KCNQ1: variants seen among roughly 807,000 people sequenced by gnomAD.
The protein encoded by KCNQ1 is potassium voltage-gated channel subfamily KQT member 1.
Under a neutral mutation model 72.4 loss-of-function variants are expected in KCNQ1, and 49 were observed. The ratio of observed to expected loss-of-function variants is 0.68; its 90% CI spans 0.54 to 0.86. The LOEUF is 0.86. KCNQ1 is among the 40% of genes least tolerant of loss of function. The pLI, the probability that KCNQ1 is intolerant of heterozygous loss-of-function variation, is 0.00. For synonymous variants in KCNQ1, 450 were observed against 412.6 expected (o/e 1.09, Z -1.10); for missense variants, 790 against 945.1 (o/e 0.84, Z 2.15).
intron 15 of KCNQ1, among the ~76,000 whole-genome samples, chr11:2,835,598 C>A (rs1848046380): frequency 6.6e-6 from 1 of 152,214 alleles, no homozygotes. Flanking sequence ...CTCCAAGGAG[C>A]TGACCCCCTG....
chr11:2,842,141 G>A (rs535563400), intron 15 of KCNQ1, among the ~76,000 whole-genome samples: 7 of 152,286 alleles, frequency 4.6e-5, no homozygotes, highest in South Asian at 4.1e-4. Flanking sequence ...GCCTCTGAGC[G>A]GACACACTCA....
At chr11:2,681,648 C>T (rs2133881417) in intron 11 of KCNQ1, 3 of 394,352 alleles carry the variant, frequency 7.6e-6, no homozygotes, top group Non-Finnish European at 1.3e-5. Context: ...ATCTCTCCCT[C>T]TCTCAGGAGA....
At chr11:2,774,511 G>A (rs1846657366) in intron 12 of KCNQ1, among the ~76,000 whole-genome samples, 2 of 152,228 alleles carry the variant, frequency 1.3e-5, no homozygotes, top group South Asian at 4.1e-4. Flanking sequence ...GTGTCAGGTG[G>A]AAGAGGAACC....
chr11:2,630,143 G>A (rs1849329550), intron 10 of KCNQ1: 1 of 398,166 alleles, frequency 2.5e-6, no homozygotes, highest in African/African-American at 2.1e-5. Context: ...GTTGAATTAT[G>A]TGAACTGCAT....
At chr11:2,575,610 A>G (rs1299992151) in intron 6 of KCNQ1, among the ~76,000 whole-genome samples, 1 of 151,780 alleles carries the variant, frequency 6.6e-6, no homozygotes, top group African/African-American at 2.4e-5. Context: ...TGCTTCCTTC[A>G]CCCCACCGGG....
intron 11 of KCNQ1, among the ~76,000 whole-genome samples, chr11:2,749,562 C>A (rs1023973225): frequency 6.6e-6 from 1 of 150,548 alleles, no homozygotes; most frequent in African/African-American, 2.4e-5. Context: ...GTAATCTCAG[C>A]ACTTTGGGAG....
At chr11:2,453,665 G>A (rs1236277431) in intron 1 of KCNQ1, among the ~76,000 whole-genome samples, 1 of 152,238 alleles carries the variant, frequency 6.6e-6, no homozygotes, top group Admixed American at 6.5e-5. Flanking sequence ...AGGCATGCAA[G>A]AGGGTAGACT....
chr11:2,794,094 A>C (rs112701359), intron 15 of KCNQ1, among the ~76,000 whole-genome samples: 1 of 152,092 alleles, frequency 6.6e-6, no homozygotes, highest in African/African-American at 2.4e-5. Context: ...CGGCCGGGCC[A>C]AGGATCCAGG....
Position 2,687,403 on chromosome 11 carries a change from G to C in KCNQ1, c.1514+25322G>C. ...CTGAGCTCTGCTGAAGGATCTGGGA[G>C]GTCAGTAGGCACCTGTGTCCACCCA... On this transcript the variant is annotated intron_variant, in intron 11 of 15. Transcript: ENST00000155840. The surrounding 1 kb of genome is among the most constrained non-coding windows in gnomAD (Gnocchi z 5.0). 2.5e-6 allele frequency: 1 copy of C among 398,674 alleles called. No homozygotes were observed. Among genetic ancestry groups the C allele is most frequent in the East Asian group, 3.6e-5 (1 of 28,074 alleles). 24.7% of individuals were successfully genotyped at this position (398,674 alleles called of 1,614,324 possible).
chr11:2,458,744 C>G lies in KCNQ1; in HGVS notation c.386+13260C>G, dbSNP rs1364911323. Among the ~76,000 whole-genome samples the G allele has an allele frequency of 6.6e-6, 1 of 152,136 alleles. No individual in the cohort carries two copies. The highest frequency in any genetic ancestry group is 1.5e-5 in the Non-Finnish European group (1 of 68,030). The stretch of plus-strand genomic sequence containing the variant: ...ACAAGTTTACTGGAAATACTCGGGC[C>G]AGAGGAACGCGCTAAATGATACTAC... On this transcript the variant is annotated intron_variant, in intron 1 of 15. Transcript: ENST00000155840. The surrounding 1 kb of genome is among the most constrained non-coding windows in gnomAD (Gnocchi z 4.6).
chr11:2,535,742 G>A lies in KCNQ1; in HGVS notation c.477+7724G>A, dbSNP rs982692271. Among the ~76,000 whole-genome samples, 14 of 152,318 alleles carry A rather than the reference G, an allele frequency of 9.2e-5. No homozygotes were observed. In the South Asian group the frequency reaches 2.7e-3, roughly 29 times the overall value. ...GTGACTGGTACCCCCTGAAGACCTGGGACCAGGCCCCCTGCCTCTGGGAAT... is the reference window on the plus strand; with the variant it reads ...GTGACTGGTACCCCCTGAAGACCTGAGACCAGGCCCCCTGCCTCTGGGAAT... On this transcript the variant is annotated intron_variant, in intron 2 of 15. Transcript: ENST00000155840.
intron 10 of KCNQ1, chr11:2,614,764 G>A: frequency 2.5e-6 from 1 of 398,432 alleles, no homozygotes. Context: ...AGACCACATT[G>A]TGTCAGTACC....
At chr11:2,832,171 G>A (rs465283) in intron 15 of KCNQ1, among the ~76,000 whole-genome samples, 1 of 152,146 alleles carries the variant, frequency 6.6e-6, no homozygotes, top group African/African-American at 2.4e-5. Context: ...CCCTTTCCCA[G>A]CACCCCTGAG....
chr11:2,549,340 C>A lies in KCNQ1; in HGVS notation c.478-21288C>A, dbSNP rs750094721. Among the ~76,000 whole-genome samples, 9 of 152,158 alleles carry A rather than the reference C, an allele frequency of 5.9e-5. No homozygotes were observed. The highest frequency in any genetic ancestry group is 1.2e-4 in the Non-Finnish European group (8 of 68,012). On this transcript the variant is annotated intron_variant, in intron 2 of 15. Coordinates refer to ENST00000155840, the MANE Select transcript of KCNQ1 (RefSeq NM_000218.3). This position sits in a 1 kb window ranked among gnomAD's most constrained non-coding sequence, Gnocchi z 6.2. Reference sequence around the variant, plus strand: ...GGTGCGGGACAAACCTGGGTCCAGGCACCTGGGGCGACCCTCCTTGGCCGT... The same window carrying A: ...GGTGCGGGACAAACCTGGGTCCAGGAACCTGGGGCGACCCTCCTTGGCCGT...
intron 11 of KCNQ1, chr11:2,680,024 G>A: frequency 2.5e-6 from 1 of 396,420 alleles, no homozygotes; most frequent in South Asian, 1.4e-4. Context: ...CTCCCTAGTA[G>A]CTGGGACTAC....
In KCNQ1 at chr11:2,712,982, G is replaced by A. The variant is rs572204055; in HGVS notation, c.1514+50901G>A. ...CAGGGTGGGGCAGGGGTCCTGGTAA[G>A]TATGAGGAACCAGAGACCTGGTAAG... On this transcript the variant is annotated intron_variant, in intron 11 of 15. Coordinates refer to ENST00000155840, the MANE Select transcript of KCNQ1 (RefSeq NM_000218.3). This position sits in a 1 kb window ranked among gnomAD's most constrained non-coding sequence, Gnocchi z 6.4. 6.6e-6 allele frequency among the ~76,000 whole-genome samples: 1 copy of A among 152,286 alleles called. No individual in the cohort carries two copies. The highest frequency in any genetic ancestry group is 2.1e-4 in the South Asian group (1 of 4,826).
rs1312458170 is a variant in KCNQ1 at position 2,620,211 on chromosome 11, AT to A, written c.1393+31369del. The A allele has an allele frequency of 9.3e-3, 2,411 of 259,686 alleles. 8 individuals carry two copies. Among genetic ancestry groups the A allele is most frequent in the Non-Finnish European group, 0.013 (1,872 of 147,714 alleles). The allele number at this position is 259,686 out of a possible 1,614,324, so 16.1% of individuals were successfully genotyped here. A position where few individuals can be genotyped will look rare whatever the true frequency, so the allele number is the denominator to read the frequency against. On this transcript the variant is annotated intron_variant, in intron 10 of 15. Coordinates refer to ENST00000155840, the MANE Select transcript of KCNQ1 (RefSeq NM_000218.3). The surrounding 1 kb of genome is among the most constrained non-coding windows in gnomAD (Gnocchi z 4.5). ...TAAGTTCATTCATGTATATATATAT[AT>A]TTTTTTTTTTTATTTTTTTTTTAGA...
rs1846853035 is a variant in KCNQ1, at chr11:2,783,194, T to C, written c.1794+5157T>C. Reference sequence around the variant, plus strand: ...TTAATCTTCATTCACTTTAGTATTTTTCTAATCTCCATTATGATCTCTTGT... The same window carrying C: ...TTAATCTTCATTCACTTTAGTATTTCTCTAATCTCCATTATGATCTCTTGT... On this transcript the variant is annotated intron_variant, in intron 15 of 15. Transcript: ENST00000155840. The surrounding 1 kb of genome is among the most constrained non-coding windows in gnomAD (Gnocchi z 5.2). Among the ~76,000 whole-genome samples the C allele has an allele frequency of 6.6e-6, 1 of 152,190 alleles. No individual in the cohort carries two copies. Among genetic ancestry groups the C allele is most frequent in the South Asian group, 2.1e-4 (1 of 4,832 alleles).
At chr11:2,467,089 G>A (rs1018578225) in intron 1 of KCNQ1, among the ~76,000 whole-genome samples, 3 of 152,282 alleles carry the variant, frequency 2.0e-5, no homozygotes, top group South Asian at 2.1e-4. Flanking sequence ...GTGACCTGGA[G>A]GTCGGAGGAG....
Sources: gnomAD v4.1 joint callset for allele counts (sites outside exome capture counted in the v4.1 genomes callset) on GRCh38, gnomAD v4.1.1 for gene constraint, Gnocchi (gnomAD v3.1) non-coding constraint, MANE v1.5 for transcripts, NCBI Gene and HGNC (gene_info 2026-07-23, HGNC 2026-07-21) for gene names.